Variants in GRID2 observed in about 807,000 individuals in gnomAD.
GRID2 encodes the protein glutamate ionotropic receptor delta type subunit 2, also known as glutamate receptor ionotropic, delta-2.
A neutral mutation model predicts 114.8 loss-of-function variants in GRID2; 33 were observed. That is an observed-to-expected ratio of 0.29 (90% CI 0.22 to 0.38). GRID2 has a LOEUF of 0.38. Among genes scored for constraint, GRID2 ranks in the 10% least tolerant of loss-of-function variants. The pLI, the probability that GRID2 is intolerant of heterozygous loss-of-function variation, is 1.00. For missense variants in GRID2, 1,184 were observed against 1,257.7 expected (o/e 0.94, Z 0.89); for synonymous variants, 505 against 449.9 (o/e 1.12, Z -1.55).
At chr4:93,390,518 G>A (rs1265150630) in intron 8 of GRID2, among the ~76,000 whole-genome samples, 3 of 152,134 alleles carry the variant, frequency 2.0e-5, no homozygotes, top group African/African-American at 7.2e-5. Flanking sequence ...TTTGAGAGAT[G>A]AGAAAACTGA....
intron 2 of GRID2, among the ~76,000 whole-genome samples, chr4:92,770,024 A>C (rs886746864): frequency 6.6e-6 from 1 of 152,302 alleles, no homozygotes; most frequent in Admixed American, 6.5e-5. Flanking sequence ...TTAGGCTGCA[A>C]ATTTTCCAAA....
chr4:92,690,830 A>G (rs1720251401), intron 2 of GRID2, among the ~76,000 whole-genome samples: 1 of 152,078 alleles, frequency 6.6e-6, no homozygotes, highest in Non-Finnish European at 1.5e-5. Context: ...AAAAAAACCA[A>G]CCAAAAACCT....
At chr4:93,275,852 T>A (rs1280120531) in intron 8 of GRID2, among the ~76,000 whole-genome samples, 3 of 152,054 alleles carry the variant, frequency 2.0e-5, no homozygotes, top group South Asian at 4.1e-4. Context: ...CTTCTTTATA[T>A]AAATTGGATA....
chr4:93,316,836 T>C (rs1189047906), intron 8 of GRID2, among the ~76,000 whole-genome samples: 1 of 152,114 alleles, frequency 6.6e-6, no homozygotes, highest in Admixed American at 6.6e-5. Flanking sequence ...CAAGAGCCAA[T>C]GTTTCCTTTC....
intron 14 of GRID2, among the ~76,000 whole-genome samples, chr4:93,693,197 A>G (rs1169605849): frequency 2.0e-5 from 3 of 152,202 alleles, no homozygotes; most frequent in Non-Finnish European, 2.9e-5. Context: ...GAATCAGCTT[A>G]TTTATATTAG....
chr4:92,426,222 C>A (rs1369033275), intron 1 of GRID2, among the ~76,000 whole-genome samples: 1 of 152,014 alleles, frequency 6.6e-6, no homozygotes, highest in Non-Finnish European at 1.5e-5. Context: ...AATAATAAGA[C>A]CTTGGGTCAT....
chr4:93,320,928 A>G (rs1757142075), intron 8 of GRID2, among the ~76,000 whole-genome samples: 1 of 152,014 alleles, frequency 6.6e-6, no homozygotes, highest in Admixed American at 6.6e-5. Context: ...TTAATATATA[A>G]GATATTTATT....
chr4:92,796,138 G>A (rs1739858320), intron 2 of GRID2, among the ~76,000 whole-genome samples: 1 of 151,736 alleles, frequency 6.6e-6, no homozygotes, highest in Non-Finnish European at 1.5e-5. Context: ...CTCTTCCATA[G>A]CACTGACAAT....
intron 1 of GRID2, among the ~76,000 whole-genome samples, chr4:92,562,841 T>C (rs1727162521): frequency 6.6e-6 from 1 of 152,230 alleles, no homozygotes. Context: ...ACATACATCA[T>C]GTATATGTAA....
At chr4:92,830,267 G>A (rs997543927) in intron 2 of GRID2, among the ~76,000 whole-genome samples, 10 of 151,136 alleles carry the variant, frequency 6.6e-5, no homozygotes, top group Admixed American at 1.3e-4. Context: ...AGATCATGCA[G>A]TAAGTAGGAC....
chr4:92,944,502 C>T (rs1751454205), intron 2 of GRID2, among the ~76,000 whole-genome samples: 1 of 152,220 alleles, frequency 6.6e-6, no homozygotes, highest in Non-Finnish European at 1.5e-5. Context: ...AAAGGGAATT[C>T]CCTGACCCCT....
chr4:92,443,628 G>C (rs1024628985), intron 1 of GRID2, among the ~76,000 whole-genome samples: 1 of 151,988 alleles, frequency 6.6e-6, no homozygotes, highest in Non-Finnish European at 1.5e-5. Flanking sequence ...CTAGAAAAGC[G>C]GGACTTGCCG....
At chr4:92,590,432 A>G in intron 2 of GRID2, 146 bp downstream of exon 2, 1 of 583,916 alleles carries the variant, frequency 1.7e-6, no homozygotes, top group Non-Finnish European at 3.0e-6. Context: ...ACTGTTTTGT[A>G]GATGTTAATC....
chr4:92,697,996 TACA>T (rs1339902015), intron 2 of GRID2, among the ~76,000 whole-genome samples: 1 of 152,140 alleles, frequency 6.6e-6, no homozygotes, highest in Non-Finnish European at 1.5e-5. Context: ...TAAGGAGTTG[TACA>T]ACATCAATTA....
At chr4:93,349,679 G>T (rs753492263) in intron 8 of GRID2, among the ~76,000 whole-genome samples, 3 of 152,006 alleles carry the variant, frequency 2.0e-5, no homozygotes, top group Non-Finnish European at 2.9e-5. Context: ...TTTGCTAAAA[G>T]TCACCTTAAT....
chr4:93,294,668 C>T (rs1754103215), intron 8 of GRID2, among the ~76,000 whole-genome samples: 1 of 152,148 alleles, frequency 6.6e-6, no homozygotes. Flanking sequence ...AAACAATTCT[C>T]CTGCCTCAGC....
At position 92,441,645 on chromosome 4, in the gene GRID2, C is replaced by T. The variant is rs369782494; in HGVS notation, c.88+136901C>T. On this transcript the variant is annotated intron_variant, in intron 1 of 15. Coordinates refer to ENST00000282020, the MANE Select transcript of GRID2 (RefSeq NM_001510.4). Reference sequence around the variant, plus strand: ...AGGAGAGTTTATAGGCTTTGAAAGGCCATGCTGTAGCAGGCGAGTGATAAC... The same window carrying T: ...AGGAGAGTTTATAGGCTTTGAAAGGTCATGCTGTAGCAGGCGAGTGATAAC... Among the ~76,000 whole-genome samples the T allele has an allele frequency of 1.9e-4, 29 of 152,066 alleles. 1 individual carries two copies. In the East Asian group the frequency reaches 3.5e-3, roughly 18 times the overall value.
At chr4:92,779,269 G>T (rs1229773302) in intron 2 of GRID2, among the ~76,000 whole-genome samples, 1 of 151,162 alleles carries the variant, frequency 6.6e-6, no homozygotes, top group Non-Finnish European at 1.5e-5. Flanking sequence ...TGGGGATTAG[G>T]TTACTTTTGG....
At chr4:92,873,710 T>C (rs1256169510) in intron 2 of GRID2, among the ~76,000 whole-genome samples, 1 of 152,070 alleles carries the variant, frequency 6.6e-6, no homozygotes, top group African/African-American at 2.4e-5. Context: ...GGTTTTTTTG[T>C]TTGTTTGTTT....
Sources: allele counts gnomAD v4.1 joint callset (sites outside exome capture counted in the v4.1 genomes callset), GRCh38; gene constraint gnomAD v4.1.1; transcripts MANE v1.5; gene names NCBI Gene and HGNC (gene_info 2026-07-23, HGNC 2026-07-21).